SCYL3: variants seen among roughly 807,000 people sequenced by gnomAD.
SCYL3 encodes SCY1 like pseudokinase 3.
SCYL3 carries 35 observed loss-of-function variants against 73.8 expected under a neutral mutation model. The ratio of observed to expected loss-of-function variants is 0.47; its 90% CI spans 0.36 to 0.63. The LOEUF (loss-of-function observed/expected upper bound fraction) is 0.63. Among genes scored for constraint, SCYL3 ranks in the 20% least tolerant of loss-of-function variants. The probability of loss-of-function intolerance (pLI) is 0.00; values close to 1 mark genes in which losing one functional copy is unlikely to be tolerated. For missense variants in SCYL3, 712 were observed against 798.9 expected, an observed-to-expected ratio of 0.89 and a Z score of 1.31; for synonymous variants, 277 against 295.2, an observed-to-expected ratio of 0.94 and a Z score of 0.63.
Position 169,854,812 on chromosome 1 carries a change from C to CAGTT in SCYL3, c.1461_1464dup (p.Val489AsnfsTer9). The CAGTT allele has an allele frequency of 1.2e-6, 2 of 1,614,026 alleles. No homozygotes were observed. The highest frequency in any genetic ancestry group is 1.7e-6 in the Non-Finnish European group (2 of 1,179,932). On this transcript the variant is annotated frameshift_variant, in exon 12 of 13. Transcript: ENST00000367771. LOFTEE classifies it high-confidence loss of function. Reference sequence around the variant, plus strand: ...TCTCTAGGCCAAATCTGTATGTTGACAGTTTGATTTTCAGGCTCCTCAGGT... The same window carrying CAGTT: ...TCTCTAGGCCAAATCTGTATGTTGACAGTTAGTTTGATTTTCAGGCTCCTCAGGT...
At chr1:169,875,381 C>T (rs12028435) in intron 4 of SCYL3, among the ~76,000 whole-genome samples, 4,109 of 152,240 alleles carry the variant, frequency 0.027, 206 homozygotes, top group East Asian at 0.22. Flanking sequence ...GGTTCATCAA[C>T]CTGGGAGGGA....
intron 12 of SCYL3, 90 bp from the exon 13 acceptor site, chr1:169,853,862 T>TTATC (rs1658764742): frequency 2.1e-5 from 30 of 1,454,550 alleles, no homozygotes; most frequent in Middle Eastern, 3.5e-4. Flanking sequence ...AATTTAAAAT[T>TTATC]TATCTTTTGA....
Position 169,849,660 on chromosome 1 carries a change from T to C in SCYL3, c.*4053A>G. ...TTTCAAACCATTTTAATATTTCAAATATTCCAGAACAATCCCAAAACATTT... is the reference window on the plus strand; with the variant it reads ...TTTCAAACCATTTTAATATTTCAAACATTCCAGAACAATCCCAAAACATTT... On this transcript the variant is annotated 3_prime_UTR_variant, in exon 13 of 13. Coordinates refer to ENST00000367771, the MANE Select transcript of SCYL3 (RefSeq NM_020423.7). 1 of 1,373,388 alleles carries C rather than the reference T, an allele frequency of 7.3e-7. No homozygotes were observed. The highest frequency in any genetic ancestry group is 1.0e-6 in the Non-Finnish European group (1 of 967,206). 85.1% of individuals were successfully genotyped at this position (1,373,388 alleles called of 1,614,324 possible).
At chr1:169,888,210 T>C (rs1243233052) in intron 2 of SCYL3, among the ~76,000 whole-genome samples, 1 of 152,178 alleles carries the variant, frequency 6.6e-6, no homozygotes, top group Non-Finnish European at 1.5e-5. Context: ...ATCTCCTGAG[T>C]GTGTCAGACA....
chr1:169,868,052 A>G (rs1274914408), intron 7 of SCYL3, among the ~76,000 whole-genome samples: 7 of 152,214 alleles, frequency 4.6e-5, no homozygotes, highest in Non-Finnish European at 1.5e-5. Context: ...ATTTTTAAAA[A>G]CATCCTCAAA....
At chr1:169,893,640 C>G (rs1398530457) in intron 1 of SCYL3, 148 bp downstream of exon 1, 1 of 151,492 alleles carries the variant, frequency 6.6e-6, no homozygotes, top group Non-Finnish European at 1.5e-5. Context: ...AACCGGCCGC[C>G]GGCGCCGCGC....
chr1:169,862,882 C>T (rs1659765374), intron 9 of SCYL3, 85 bp from the exon 10 acceptor site: 1 of 1,191,334 alleles, frequency 8.4e-7, no homozygotes. Context: ...ACACTGAACC[C>T]AAAACTACAC....
chr1:169,850,321 C>G lies in SCYL3; in HGVS notation c.*3392G>C. 1 of 1,608,470 alleles carries G rather than the reference C, an allele frequency of 6.2e-7. No homozygotes were observed. The highest frequency in any genetic ancestry group is 8.5e-7 in the Non-Finnish European group (1 of 1,175,144). On this transcript the variant is annotated 3_prime_UTR_variant, in exon 13 of 13. Coordinates refer to ENST00000367771, the MANE Select transcript of SCYL3 (RefSeq NM_020423.7). ...GTCTCAGTTCTGAAGAAACTAAGAA[C>G]AAAGTTGTATCCTTTCTGGAGAAGG...
rs1367139249 is a variant in SCYL3 at position 169,878,806 on chromosome 1, AG to A, written c.178del (p.Leu60PhefsTer7). The A allele has an allele frequency of 6.2e-7, 1 of 1,611,796 alleles. No homozygotes were observed. ...VNKAAKHLKTLRHPCLLRFLS... is the reference protein window; with the variant it reads ...VNKAAKHLKTXRHPCLLRFLS... ...AAATCTTAGCAAGCAAGGGTGACGAAGTGTCTTCAAATGCTTTAAAAATACA... is the reference window on the plus strand; with the variant it reads ...AAATCTTAGCAAGCAAGGGTGACGAATGTCTTCAAATGCTTTAAAAATACA... On this transcript the variant is annotated frameshift_variant, in exon 3 of 13. Coordinates refer to ENST00000367771, the MANE Select transcript of SCYL3 (RefSeq NM_020423.7). LOFTEE classifies it high-confidence loss of function.
At chr1:169,875,596 A>G (rs528878955) in intron 4 of SCYL3, among the ~76,000 whole-genome samples, 3 of 152,236 alleles carry the variant, frequency 2.0e-5, no homozygotes, top group Non-Finnish European at 4.4e-5. Context: ...TAAAGATAAG[A>G]GACTCACACC....
Position 169,855,744 on chromosome 1 carries a change from G to A in SCYL3, c.1313-780C>T, listed in dbSNP as rs538492189. On this transcript the variant is annotated intron_variant, in intron 11 of 12. Coordinates refer to ENST00000367771, the MANE Select transcript of SCYL3 (RefSeq NM_020423.7). ...AACACCCATAAGCTTATTAGTCTCA[G>A]GAAAACATTCATCCAAGCAATGGAA... 3.2e-6 allele frequency: 5 copies of A among 1,542,400 alleles called. No individual in the cohort carries two copies. The East Asian group carries it at 1.1e-4, about 35-fold the overall frequency.
chr1:169,868,845 C>A (rs1660209211), intron 7 of SCYL3, 83 bp downstream of exon 7: 2 of 895,020 alleles, frequency 2.2e-6, no homozygotes, highest in Non-Finnish European at 3.6e-6. Flanking sequence ...CTCCAAAAAC[C>A]CCCCACTGCC....
intron 4 of SCYL3, among the ~76,000 whole-genome samples, chr1:169,875,615 C>T (rs1246309259): frequency 6.6e-6 from 1 of 152,182 alleles, no homozygotes; most frequent in Non-Finnish European, 1.5e-5. Flanking sequence ...CCCTTAAGAG[C>T]CCAACCAATG....
chr1:169,891,015 G>A (rs903359185), intron 1 of SCYL3, among the ~76,000 whole-genome samples: 1 of 152,204 alleles, frequency 6.6e-6, no homozygotes, highest in South Asian at 2.1e-4. Context: ...AATGTTGGCA[G>A]GTACCTATCC....
chr1:169,885,666 A>G (rs1661633191), intron 2 of SCYL3, among the ~76,000 whole-genome samples: 1 of 152,184 alleles, frequency 6.6e-6, no homozygotes, highest in Non-Finnish European at 1.5e-5. Flanking sequence ...ATGCAGAAAG[A>G]GAAAGGAATA....
At chr1:169,869,931 T>C (rs1049923318) in intron 6 of SCYL3, among the ~76,000 whole-genome samples, 1 of 152,240 alleles carries the variant, frequency 6.6e-6, no homozygotes, top group Admixed American at 6.5e-5. Flanking sequence ...ATGATAGTTA[T>C]GTACTTATTG....
At position 169,850,936 on chromosome 1, in the gene SCYL3, G is replaced by GAGA. The variant is rs61644861; in HGVS notation, c.*2774_*2776dup. 88,653 of 139,492 alleles carry GAGA rather than the reference G, an allele frequency of 0.64. 28,566 individuals carry two copies. Among genetic ancestry groups the GAGA allele is most frequent in the Middle Eastern group, 0.79 (207 of 262 alleles). The allele number at this position is 139,492 out of a possible 1,614,324, so 8.6% of individuals were successfully genotyped here. ...CTTGATCACATAATTAGGTAGGCCT[G>GAGA]AGAGGATGTTTACTACCATATTTTG... is the stretch of plus-strand genomic sequence containing the variant. On this transcript the variant is annotated 3_prime_UTR_variant, in exon 13 of 13. Coordinates refer to ENST00000367771, the MANE Select transcript of SCYL3 (RefSeq NM_020423.7).
intron 1 of SCYL3, among the ~76,000 whole-genome samples, chr1:169,891,769 C>G (rs1662102648): frequency 6.6e-6 from 1 of 152,140 alleles, no homozygotes; most frequent in South Asian, 2.1e-4. Flanking sequence ...ATGGCAGTCA[C>G]CAGAGGCAAG....
chr1:169,862,782 T>C lies in SCYL3; in HGVS notation c.971A>G (p.Glu324Gly). The change falls in exon 10 of 13, where the codon GAA becomes GGA. Residue 324 changes from glutamate (E) to glycine (G), a missense_variant. Glu to Gly is a moderately conservative substitution (Grantham distance 98). Around this residue, in one of 2 missense-constraint regions of SCYL3, gnomAD observed 342 missense variants for 448.1 expected, o/e 0.76. Coordinates refer to ENST00000367771, the MANE Select transcript of SCYL3 (RefSeq NM_020423.7). ...LGPKKDHAQGETPCLLSPALF... is the reference protein window; with the variant it reads ...LGPKKDHAQGGTPCLLSPALF... ...GGCTGGTGAGAGCAAGCAAGGAGTT[T>C]CTCCCTGCGCATGATCTACCCGAAA... The C allele has an allele frequency of 1.2e-6, 2 of 1,614,032 alleles. No individual in the cohort carries two copies. Among genetic ancestry groups the C allele is most frequent in the Non-Finnish European group, 1.7e-6 (2 of 1,179,964 alleles).
Sources: gnomAD v4.1 joint callset for allele counts (sites outside exome capture counted in the v4.1 genomes callset) on GRCh38, gnomAD v4.1.1 for gene constraint, gnomAD v4.1.1 regional missense constraint, MANE v1.5 for transcripts, NCBI Gene and HGNC (gene_info 2026-07-23, HGNC 2026-07-21) for gene names.